OR5V1: variants seen among roughly 807,000 people sequenced by gnomAD.
OR5V1 encodes the protein olfactory receptor 5V1.
For synonymous variants in OR5V1, 134 were observed against 143.2 expected, an observed-to-expected ratio of 0.94 and a Z score of 0.46; for missense variants, 365 against 371.5, an observed-to-expected ratio of 0.98 and a Z score of 0.14.
In OR5V1 at chr6:29,354,357, C is replaced by T. The variant is rs1778154147; in HGVS notation, c.*873G>A. On this transcript the variant is annotated 3_prime_UTR_variant, in exon 2 of 2. Transcript: ENST00000641768. ...AACTGTACTTTACATGGTAATAACA[C>T]ATAGAAAATAGTAATTAAGTACTTT... The T allele has an allele frequency of 6.6e-6, 1 of 152,044 alleles. No individual in the cohort carries two copies. Among genetic ancestry groups the T allele is most frequent in the African/African-American group, 2.4e-5 (1 of 41,424 alleles). 9.4% of individuals were successfully genotyped at this position (152,044 alleles called of 1,614,324 possible).
Position 29,355,269 on chromosome 6 carries a change from C to T in OR5V1, c.927G>A (p.Gln309=). 6.2e-7 allele frequency: 1 copy of T among 1,605,032 alleles called. No individual in the cohort carries two copies. The highest frequency in any genetic ancestry group is 8.5e-7 in the Non-Finnish European group (1 of 1,177,302). ...TACTATCCAAAGAGGAAATTGGTGG[C>T]TGCCACTTGCTCCCTATAGTTTTGA... ...EAVKTIGSKW[Q]PPISSLDSKL... Residue 309 remains glutamine, a synonymous_variant, in exon 2 of 2, where the codon CAG becomes CAA. Coordinates refer to ENST00000641768, the MANE Select transcript of OR5V1 (RefSeq NM_030876.6).
chr6:29,353,892 A>G lies in OR5V1; in HGVS notation c.*1338T>C. The G allele has an allele frequency of 6.6e-6, 1 of 152,096 alleles. No individual in the cohort carries two copies. The highest frequency in any genetic ancestry group is 1.9e-4 in the East Asian group (1 of 5,192). The allele number at this position is 152,096 out of a possible 1,614,324, so 9.4% of individuals were successfully genotyped here. ...ATGAAGAGTGTGCCAGTAAGCCAGTAGAGTTTATTAAAACAAAAACAGTAT... is the reference window on the plus strand; with the variant it reads ...ATGAAGAGTGTGCCAGTAAGCCAGTGGAGTTTATTAAAACAAAAACAGTAT... On this transcript the variant is annotated 3_prime_UTR_variant, in exon 2 of 2. Coordinates refer to ENST00000641768, the MANE Select transcript of OR5V1 (RefSeq NM_030876.6).
chr6:29,360,561 G>C (rs1327195141), intron 1 of OR5V1, among the ~76,000 whole-genome samples: 1 of 152,200 alleles, frequency 6.6e-6, no homozygotes, highest in Non-Finnish European at 1.5e-5. Context: ...CCTTTGGGAT[G>C]AAGCTTCCAG....
rs61742983 is a variant in OR5V1, at chr6:29,355,499, C to T, written c.697G>A (p.Gly233Arg). ...CATGTAGAGAAGGCTTTTCGTCTTC[C>T]CTCTGAGGACTGGATCCTCAAGATG... is the stretch of plus-strand genomic sequence containing the variant. The part of the protein sequence containing the change: ...STILRIQSSE[G>R]RRKAFSTCAS... Residue 233 changes from glycine to arginine, a missense_variant, in exon 2 of 2, where the codon GGA becomes AGA. Gly to Arg is a moderately radical substitution (Grantham distance 125, BLOSUM62 -2). Coordinates refer to ENST00000641768, the MANE Select transcript of OR5V1 (RefSeq NM_030876.6). The T allele has an allele frequency of 0.022, 35,201 of 1,613,842 alleles. 1,364 individuals carry two copies. Among genetic ancestry groups the T allele is most frequent in the African/African-American group, 0.17 (12,796 of 74,972 alleles).
At chr6:29,361,345 T>C (rs1468844246) in intron 1 of OR5V1, among the ~76,000 whole-genome samples, 1 of 152,118 alleles carries the variant, frequency 6.6e-6, no homozygotes, top group African/African-American at 2.4e-5. Context: ...GAGACCAAGT[T>C]GGAAAACACA....
At chr6:29,358,826 G>C (rs1241045688) in intron 1 of OR5V1, among the ~76,000 whole-genome samples, 1 of 152,164 alleles carries the variant, frequency 6.6e-6, no homozygotes, top group African/African-American at 2.4e-5. Context: ...ACTGGTCAAA[G>C]GGTACAAAGT....
chr6:29,366,661 T>TG (rs1778870651), intron 1 of OR5V1, among the ~76,000 whole-genome samples: 1 of 152,136 alleles, frequency 6.6e-6, no homozygotes, highest in African/African-American at 2.4e-5. Context: ...AGCACTGAAT[T>TG]ACAGTTAGTG....
intron 1 of OR5V1, among the ~76,000 whole-genome samples, chr6:29,363,208 A>G (rs1179361129): frequency 6.6e-6 from 1 of 152,242 alleles, no homozygotes; most frequent in Non-Finnish European, 1.5e-5. Flanking sequence ...GAAGAAATGG[A>G]TAAATTCCTG....
At chr6:29,358,027 C>A (rs1233375494) in intron 1 of OR5V1, among the ~76,000 whole-genome samples, 1 of 152,086 alleles carries the variant, frequency 6.6e-6, no homozygotes, top group Non-Finnish European at 1.5e-5. Context: ...CTTAATTGTG[C>A]TTTTGTTGTA....
In OR5V1 at chr6:29,354,059, G is replaced by A. The variant is rs1450635349; in HGVS notation, c.*1171C>T. Reference sequence around the variant, plus strand: ...CACAAAAGAGGGGCTGGGAAGTCAAGACTTAATCAAGGGAGGCATCAGTAG... The same window carrying A: ...CACAAAAGAGGGGCTGGGAAGTCAAAACTTAATCAAGGGAGGCATCAGTAG... On this transcript the variant is annotated 3_prime_UTR_variant, in exon 2 of 2. Transcript: ENST00000641768. 2.0e-5 allele frequency: 3 copies of A among 152,098 alleles called. No individual in the cohort carries two copies. Among genetic ancestry groups the A allele is most frequent in the African/African-American group, 7.2e-5 (3 of 41,422 alleles). 9.4% of individuals were successfully genotyped at this position (152,098 alleles called of 1,614,324 possible).
In OR5V1 at chr6:29,355,796, C is replaced by T. The variant is rs146550935; in HGVS notation, c.400G>A (p.Val134Ile). ...TTGCATAGAACCTTGCTCAGAATAA[C>T]TGAATACCTTAAAGGATTGCAGATT... ...IAICNPLRYS[V>I]ILSKVLCNQL... is the part of the protein sequence containing the mutation. Residue 134 changes from valine to isoleucine, a missense_variant, in exon 2 of 2, where the codon GTT (valine) becomes ATT (isoleucine). Physicochemically the swap from Val to Ile is conservative, Grantham distance 29. Coordinates refer to ENST00000641768, the MANE Select transcript of OR5V1 (RefSeq NM_030876.6). The T allele has an allele frequency of 6.0e-5, 97 of 1,614,048 alleles. 1 individual carries two copies. The African/African-American group carries it at 1.1e-3, about 19-fold the overall frequency.
intron 1 of OR5V1, among the ~76,000 whole-genome samples, chr6:29,358,920 T>C (rs191401869): frequency 6.6e-6 from 1 of 152,220 alleles, no homozygotes; most frequent in East Asian, 1.9e-4. Context: ...TATTCCAAAA[T>C]TGCTAATGGA....
intron 1 of OR5V1, among the ~76,000 whole-genome samples, chr6:29,367,482 T>C (rs2151282850): frequency 6.6e-6 from 1 of 152,288 alleles, no homozygotes; most frequent in Non-Finnish European, 1.5e-5. Context: ...TATAGCAAAA[T>C]TTTCCAAGAA....
At chr6:29,366,197 A>G (rs1284404412) in intron 1 of OR5V1, among the ~76,000 whole-genome samples, 1 of 152,038 alleles carries the variant, frequency 6.6e-6, no homozygotes, top group African/African-American at 2.4e-5. Flanking sequence ...ACAAATAGCT[A>G]ATGCATGCGG....
chr6:29,356,928 G>T (rs894303036), intron 1 of OR5V1, among the ~76,000 whole-genome samples: 4 of 152,088 alleles, frequency 2.6e-5, no homozygotes, highest in Admixed American at 1.3e-4. Flanking sequence ...GTATTTGTAT[G>T]AATATAGCAA....
chr6:29,364,371 A>G (rs1778738821), intron 1 of OR5V1, among the ~76,000 whole-genome samples: 2 of 152,200 alleles, frequency 1.3e-5, no homozygotes, highest in South Asian at 4.1e-4. Flanking sequence ...CATACTGCCC[A>G]AAGTAATTTA....
intron 1 of OR5V1, among the ~76,000 whole-genome samples, chr6:29,365,770 G>C (rs1339996287): frequency 6.6e-6 from 1 of 152,128 alleles, no homozygotes; most frequent in African/African-American, 2.4e-5. Flanking sequence ...TCTATAACCA[G>C]AAATACTATT....
At chr6:29,360,846 T>G (rs1778533658) in intron 1 of OR5V1, among the ~76,000 whole-genome samples, 1 of 152,020 alleles carries the variant, frequency 6.6e-6, no homozygotes, top group Non-Finnish European at 1.5e-5. Flanking sequence ...TGCTGAAAAT[T>G]CCAAAAACAT....
At chr6:29,357,569 A>G (rs1042906968) in intron 1 of OR5V1, among the ~76,000 whole-genome samples, 2 of 152,162 alleles carry the variant, frequency 1.3e-5, no homozygotes, top group Non-Finnish European at 2.9e-5. Flanking sequence ...TGTTAATGGC[A>G]ATGTGCTATG....
Sources: gnomAD v4.1 joint callset for allele counts (sites outside exome capture counted in the v4.1 genomes callset) on GRCh38, gnomAD v4.1.1 for gene constraint, MANE v1.5 for transcripts, NCBI Gene and HGNC (gene_info 2026-07-23, HGNC 2026-07-21) for gene names.